Variants in CLVS1 observed in about 807,000 individuals in gnomAD.
CLVS1 encodes clavesin-1.
Under a neutral mutation model 33.1 loss-of-function variants are expected in CLVS1, and 10 were observed. The ratio of observed to expected loss-of-function variants is 0.30; its 90% CI spans 0.19 to 0.51. The LOEUF (loss-of-function observed/expected upper bound fraction) is 0.51, where lower values mean the gene tolerates loss of function less well. Ranked by LOEUF, CLVS1 falls within the 20% of genes least tolerant of loss-of-function variation. CLVS1 has a pLI of 0.97. For synonymous variants in CLVS1, 163 were observed against 166.1 expected, an observed-to-expected ratio of 0.98 and a Z score of 0.14; for missense variants, 343 against 433.4, an observed-to-expected ratio of 0.79 and a Z score of 1.85.
chr8:61,046,469 C>T, the CLVS1 span, among the ~76,000 whole-genome samples: 1 of 147,394 alleles, frequency 6.8e-6, no homozygotes, highest in Admixed American at 6.7e-5. Flanking sequence ...CTTAGTGATG[C>T]AGGCTCTTTT....
At chr8:60,974,399 T>C in the CLVS1 span, among the ~76,000 whole-genome samples, 18 of 152,326 alleles carry the variant, frequency 1.2e-4, no homozygotes, top group East Asian at 3.3e-3. Flanking sequence ...ACCTACTTGA[T>C]TCCCACAGGG....
the CLVS1 span, chr8:60,967,579 G>A: frequency 2.2e-5 from 10 of 454,168 alleles, no homozygotes; most frequent in African/African-American, 1.8e-4. Flanking sequence ...TTACCCTGTC[G>A]TCTGCGCAGC....
the CLVS1 span, among the ~76,000 whole-genome samples, chr8:60,991,907 C>G: frequency 1.3e-5 from 2 of 152,028 alleles, no homozygotes; most frequent in African/African-American, 4.8e-5. Context: ...TCACTGCACC[C>G]AGCTAATTTT....
At chr8:61,406,127 C>T (rs1301445043) in intron 3 of CLVS1, among the ~76,000 whole-genome samples, 3 of 152,184 alleles carry the variant, frequency 2.0e-5, no homozygotes, top group Admixed American at 1.3e-4. Flanking sequence ...AGCATTAAAG[C>T]TCCTAACTAT....
chr8:61,408,464 A>C (rs1022345167), intron 3 of CLVS1, among the ~76,000 whole-genome samples: 1 of 152,200 alleles, frequency 6.6e-6, no homozygotes, highest in Non-Finnish European at 1.5e-5. Flanking sequence ...TCTTTACTAC[A>C]TGATGTTAGA....
intron 2 of CLVS1, among the ~76,000 whole-genome samples, chr8:61,140,139 G>A (rs1037930335): frequency 6.6e-6 from 1 of 152,210 alleles, no homozygotes; most frequent in African/African-American, 2.4e-5. Context: ...GCAGGAGGCG[G>A]TCACTGTGAG....
At chr8:61,448,787 A>G (rs1563557461) in intron 3 of CLVS1, among the ~76,000 whole-genome samples, 1 of 152,032 alleles carries the variant, frequency 6.6e-6, no homozygotes, top group Non-Finnish European at 1.5e-5. Context: ...TCCTTTCTAA[A>G]ACTACTTTTT....
At chr8:61,431,287 A>G (rs1384948390) in intron 3 of CLVS1, among the ~76,000 whole-genome samples, 1 of 152,200 alleles carries the variant, frequency 6.6e-6, no homozygotes, top group Non-Finnish European at 1.5e-5. Context: ...GTATTAAACA[A>G]CGTTCAACAG....
At chr8:61,468,243 C>T (rs1280239531) in intron 5 of CLVS1, among the ~76,000 whole-genome samples, 1 of 152,118 alleles carries the variant, frequency 6.6e-6, no homozygotes, top group Non-Finnish European at 1.5e-5. Flanking sequence ...GTGCTGTTTG[C>T]TTTTCCAAAA....
At chr8:61,237,836 G>C (rs1350509545) in intron 2 of CLVS1, among the ~76,000 whole-genome samples, 1 of 151,430 alleles carries the variant, frequency 6.6e-6, no homozygotes, top group African/African-American at 2.4e-5. Flanking sequence ...CGGGGGTTCA[G>C]AGACACAGGG....
the CLVS1 span, among the ~76,000 whole-genome samples, chr8:61,018,402 C>T: frequency 7.9e-5 from 12 of 152,274 alleles, no homozygotes; most frequent in South Asian, 1.2e-3. Flanking sequence ...TGGAAGACTT[C>T]ACTAAGAAAA....
intron 2 of CLVS1, among the ~76,000 whole-genome samples, chr8:61,373,615 A>C (rs974932275): frequency 6.6e-6 from 1 of 152,222 alleles, no homozygotes; most frequent in Admixed American, 6.5e-5. Context: ...AATTATTTCT[A>C]TCTTCACCAT....
intron 2 of CLVS1, among the ~76,000 whole-genome samples, chr8:61,257,933 A>T (rs1224700082): frequency 6.6e-6 from 1 of 152,090 alleles, no homozygotes; most frequent in Non-Finnish European, 1.5e-5. Flanking sequence ...GGTGGCTATT[A>T]ATGTCAATGG....
intron 1 of CLVS1, among the ~76,000 whole-genome samples, chr8:61,112,125 C>T (rs1346750811): frequency 2.6e-5 from 4 of 151,616 alleles, no homozygotes; most frequent in African/African-American, 7.3e-5. Context: ...TAAGCATGAT[C>T]TGCATTCCCA....
intron 2 of CLVS1, among the ~76,000 whole-genome samples, chr8:61,322,362 A>G (rs1011009370): frequency 2.6e-5 from 4 of 152,150 alleles, no homozygotes; most frequent in Non-Finnish European, 1.5e-5. Context: ...AAGAAAGGAA[A>G]AGTGCACATT....
At chr8:61,220,180 A>G (rs750151454) in intron 2 of CLVS1, among the ~76,000 whole-genome samples, 1 of 152,080 alleles carries the variant, frequency 6.6e-6, no homozygotes, top group Non-Finnish European at 1.5e-5. Flanking sequence ...CCATTTGTCA[A>G]TCTTGGCTTT....
At chr8:61,407,702 G>A (rs1399771190) in intron 3 of CLVS1, among the ~76,000 whole-genome samples, 1 of 152,152 alleles carries the variant, frequency 6.6e-6, no homozygotes, top group Admixed American at 6.5e-5. Flanking sequence ...AGTTAAATAT[G>A]CCTTATAATG....
intron 5 of CLVS1, among the ~76,000 whole-genome samples, chr8:61,483,292 C>T (rs548646234): frequency 4.6e-5 from 7 of 152,086 alleles, no homozygotes; most frequent in African/African-American, 1.7e-4. Flanking sequence ...TACAAATTAC[C>T]ATCAGAGAAT....
In CLVS1 at chr8:61,397,469, A is replaced by G. The variant is rs559896435; in HGVS notation, c.630+20690A>G. 4.6e-5 allele frequency among the ~76,000 whole-genome samples: 7 copies of G among 152,208 alleles called. No homozygotes were observed. In the South Asian group the frequency reaches 1.0e-3, roughly 23 times the overall value. ...GATCAAATATTTTCTCTCATTCTGT[A>G]GGTTGTCTTTTTACTTTATTAACAG... is the stretch of plus-strand genomic sequence containing the variant. On this transcript the variant is annotated intron_variant, in intron 3 of 5. Transcript: ENST00000325897.
Sources: allele counts gnomAD v4.1 joint callset (sites outside exome capture counted in the v4.1 genomes callset), GRCh38; gene constraint gnomAD v4.1.1; transcripts MANE v1.5; gene names NCBI Gene and HGNC (gene_info 2026-07-23, HGNC 2026-07-21).